Variants in PALLD observed in about 807,000 individuals in gnomAD.
PALLD encodes the protein palladin.
Under a neutral mutation model 123.5 loss-of-function variants are expected in PALLD, and 61 were observed. The ratio of observed to expected loss-of-function variants is 0.49; its 90% CI spans 0.40 to 0.61. The LOEUF (loss-of-function observed/expected upper bound fraction) is 0.61. Among genes scored for constraint, PALLD ranks in the 20% least tolerant of loss-of-function variants. The pLI is 0.00. For synonymous variants in PALLD, 465 were observed against 496.4 expected (o/e 0.94, Z 0.84); for missense variants, 1,273 against 1,377.0 (o/e 0.92, Z 1.20).
At chr4:168,761,345 GC>G (rs1714178728) in intron 10 of PALLD, among the ~76,000 whole-genome samples, 1 of 152,046 alleles carries the variant, frequency 6.6e-6, no homozygotes, top group African/African-American at 2.4e-5. Flanking sequence ...GGAGTCTCTG[GC>G]TTATTAGCAT....
At chr4:168,888,725 A>T (rs1753717923) in intron 10 of PALLD, among the ~76,000 whole-genome samples, 1 of 152,144 alleles carries the variant, frequency 6.6e-6, no homozygotes, top group African/African-American at 2.4e-5. Context: ...GGGGATTGAG[A>T]CCATTTAAAT....
chr4:168,584,598 A>G (rs1770624414), intron 2 of PALLD, among the ~76,000 whole-genome samples: 1 of 152,206 alleles, frequency 6.6e-6, no homozygotes, highest in South Asian at 2.1e-4. Context: ...CATCTAAGGA[A>G]TTGTTTTCTA....
intron 10 of PALLD, among the ~76,000 whole-genome samples, chr4:168,879,317 TTTGG>T (rs992615884): frequency 6.6e-6 from 1 of 152,154 alleles, no homozygotes; most frequent in Non-Finnish European, 1.5e-5. Flanking sequence ...GTTAGGCATG[TTTGG>T]TTGAAGAGTA....
intron 10 of PALLD, among the ~76,000 whole-genome samples, chr4:168,857,904 A>G (rs1748833867): frequency 6.6e-6 from 1 of 152,254 alleles, no homozygotes; most frequent in Non-Finnish European, 1.5e-5. Flanking sequence ...GGAGAGAATG[A>G]CATGCGCTTT....
At chr4:168,880,766 A>G (rs1021122279) in intron 10 of PALLD, among the ~76,000 whole-genome samples, 3 of 152,232 alleles carry the variant, frequency 2.0e-5, no homozygotes, top group African/African-American at 7.2e-5. Context: ...CTTTAGCTGG[A>G]TAGTTTTGCC....
chr4:168,780,132 C>T (rs1226988758), intron 10 of PALLD, among the ~76,000 whole-genome samples: 1 of 152,168 alleles, frequency 6.6e-6, no homozygotes, highest in African/African-American at 2.4e-5. Context: ...CTCCTGACCT[C>T]AAGTGATTCG....
At chr4:168,847,912 T>A (rs918791735) in intron 10 of PALLD, among the ~76,000 whole-genome samples, 5 of 152,204 alleles carry the variant, frequency 3.3e-5, no homozygotes, top group African/African-American at 1.2e-4. Context: ...CCCAGGCATA[T>A]TAAGAGAGAG....
intron 11 of PALLD, among the ~76,000 whole-genome samples, chr4:168,891,577 T>A (rs1334487409): frequency 6.6e-6 from 1 of 151,106 alleles, no homozygotes; most frequent in African/African-American, 2.4e-5. Context: ...CTTTCTCCTA[T>A]GCAAAAAACC....
chr4:168,714,907 G>A (rs1785197069), intron 10 of PALLD, among the ~76,000 whole-genome samples: 1 of 151,210 alleles, frequency 6.6e-6, no homozygotes, highest in African/African-American at 2.4e-5. Flanking sequence ...CTCCAATACT[G>A]ATTGCGGGAA....
chr4:168,791,581 G>A (rs529339676), intron 10 of PALLD, among the ~76,000 whole-genome samples: 3 of 152,232 alleles, frequency 2.0e-5, no homozygotes, highest in Admixed American at 6.5e-5. Flanking sequence ...TGGGGGAAAC[G>A]GGCCCCATGA....
rs578017530 is a variant in PALLD, at chr4:168,880,286, C to T, written c.1965-10636C>T. On this transcript the variant is annotated intron_variant, in intron 10 of 21. Coordinates refer to ENST00000505667, the MANE Select transcript of PALLD (RefSeq NM_001166108.2). The stretch of plus-strand genomic sequence containing the variant: ...GCTTATAATTGTTACCACAAGAGTC[C>T]AGTCGTTCCTGCCATTTCTTAAAAA... 1.8e-3 allele frequency among the ~76,000 whole-genome samples: 272 copies of T among 152,268 alleles called. 1 individual carries two copies. Among genetic ancestry groups the T allele is most frequent in the Non-Finnish European group, 1.9e-3 (132 of 68,030 alleles).
intron 10 of PALLD, among the ~76,000 whole-genome samples, chr4:168,826,499 C>T (rs1743439350): frequency 6.6e-6 from 1 of 152,102 alleles, no homozygotes; most frequent in South Asian, 2.1e-4. Context: ...GCTCACTGTC[C>T]CTGGGATGAT....
At chr4:168,806,565 T>A (rs1740230851) in intron 10 of PALLD, among the ~76,000 whole-genome samples, 2 of 152,200 alleles carry the variant, frequency 1.3e-5, no homozygotes, top group Non-Finnish European at 1.5e-5. Context: ...CTTCATACAT[T>A]ACCCAGTCTC....
At chr4:168,631,073 G>T (rs902519959) in intron 2 of PALLD, among the ~76,000 whole-genome samples, 1 of 152,140 alleles carries the variant, frequency 6.6e-6, no homozygotes, top group Non-Finnish European at 1.5e-5. Context: ...ACATAAAAAA[G>T]AACAAAGACC....
At chr4:168,851,287 C>A (rs190919115) in intron 10 of PALLD, among the ~76,000 whole-genome samples, 1 of 152,286 alleles carries the variant, frequency 6.6e-6, no homozygotes, top group Non-Finnish European at 1.5e-5. Flanking sequence ...AAGAGAGAGG[C>A]AGGATAAAAC....
intron 14 of PALLD, among the ~76,000 whole-genome samples, chr4:168,901,356 C>T (rs1333070294): frequency 6.6e-6 from 1 of 152,164 alleles, no homozygotes; most frequent in Non-Finnish European, 1.5e-5. Flanking sequence ...ACCCTGTTCT[C>T]GTGCTTGTGC....
chr4:168,784,301 T>C (rs183597978), intron 10 of PALLD, among the ~76,000 whole-genome samples: 271 of 151,326 alleles, frequency 1.8e-3, no homozygotes, highest in African/African-American at 6.4e-3. Flanking sequence ...CCACTGCACT[T>C]CAGCCTGGGA....
At chr4:168,615,437 G>C (rs1774132602) in intron 2 of PALLD, among the ~76,000 whole-genome samples, 1 of 152,210 alleles carries the variant, frequency 6.6e-6, no homozygotes, top group Non-Finnish European at 1.5e-5. Context: ...GAAAATAACA[G>C]AACTTGGGCT....
intron 2 of PALLD, among the ~76,000 whole-genome samples, chr4:168,591,913 A>G (rs1771473021): frequency 1.3e-5 from 2 of 152,162 alleles, no homozygotes; most frequent in South Asian, 4.1e-4. Flanking sequence ...TAAAAATATT[A>G]TCCTAAAAAG....
Sources: allele counts gnomAD v4.1 joint callset (sites outside exome capture counted in the v4.1 genomes callset), GRCh38; gene constraint gnomAD v4.1.1; transcripts MANE v1.5; gene names NCBI Gene and HGNC (gene_info 2026-07-23, HGNC 2026-07-21).